The following RPS6KL1 variants were observed in gnomAD, a reference collection of about 807,000 sequenced individuals.
RPS6KL1 encodes ribosomal protein S6 kinase-like 1.
Under a neutral mutation model 57.0 loss-of-function variants are expected in RPS6KL1, and 41 were observed. That is an observed-to-expected ratio of 0.72 (90% CI 0.56 to 0.93). RPS6KL1 has a LOEUF of 0.93. Ranked by LOEUF, RPS6KL1 falls within the 40% of genes least tolerant of loss-of-function variation. The probability of loss-of-function intolerance (pLI) is 0.00; values close to 1 mark genes in which losing one functional copy is unlikely to be tolerated. For synonymous variants in RPS6KL1, 287 were observed against 309.7 expected, an observed-to-expected ratio of 0.93 and a Z score of 0.77; for missense variants, 697 against 727.7, an observed-to-expected ratio of 0.96 and a Z score of 0.49.
intron 3 of RPS6KL1, among the ~76,000 whole-genome samples, chr14:74,921,028 T>C (rs1442525863): frequency 1.3e-5 from 2 of 152,224 alleles, no homozygotes; most frequent in Admixed American, 6.5e-5. Flanking sequence ...CAACAACATA[T>C]ATAGTAATTT....
intron 5 of RPS6KL1, among the ~76,000 whole-genome samples, chr14:74,917,459 T>A (rs4899539): frequency 6.6e-6 from 1 of 151,932 alleles, no homozygotes; most frequent in African/African-American, 2.4e-5. Flanking sequence ...AATCACCCAG[T>A]GAGTATGTTA....
At chr14:74,918,848 T>C (rs1326263507) in intron 4 of RPS6KL1, among the ~76,000 whole-genome samples, 1 of 152,168 alleles carries the variant, frequency 6.6e-6, no homozygotes, top group Admixed American at 6.5e-5. Context: ...CCAAGGCCCA[T>C]GAAGTTCTCT....
At chr14:74,911,731 T>G in intron 6 of RPS6KL1, 63 bp downstream of exon 6, 1 of 1,471,644 alleles carries the variant, frequency 6.8e-7, no homozygotes, top group South Asian at 1.2e-5. Context: ...GGGTAGGAGT[T>G]TCCAAGAGCC....
In RPS6KL1 at chr14:74,922,183, A is replaced by G. The variant is rs1887964705; in HGVS notation, c.-226T>C. The G allele has an allele frequency of 1.0e-6, 1 of 987,178 alleles. No individual in the cohort carries two copies. Among genetic ancestry groups the G allele is most frequent in the Admixed American group, 6.0e-5 (1 of 16,754 alleles). The allele number at this position is 987,178 out of a possible 1,614,324, so 61.2% of individuals were successfully genotyped here. A position where few individuals can be genotyped will look rare whatever the true frequency, so the allele number is the denominator to read the frequency against. On this transcript the variant is annotated 5_prime_UTR_variant, in exon 2 of 12. Coordinates refer to ENST00000557413, the MANE Select transcript of RPS6KL1 (RefSeq NM_031464.5). ...AGAGCTGAGGATATCTGTGATCCAC[A>G]GCCACCTTCACAGGGCCTCCGTAGA...
In RPS6KL1 at chr14:74,910,130, TG is replaced by T; in HGVS notation, c.682del (p.His228ThrfsTer22). On this transcript the variant is annotated frameshift_variant, in exon 8 of 12. Transcript: ENST00000557413. LOFTEE classifies it high-confidence loss of function. ...EHVQGGTLWS[H>X]LLSQAHSRHS... ...TCGGGAGTGCGCCTGGGAGAGCAGG[TG>T]GGACCAGAGAGTGCCTCCTGGGCCA... 1.9e-6 allele frequency: 3 copies of T among 1,553,944 alleles called. No homozygotes were observed. The highest frequency in any genetic ancestry group is 2.6e-6 in the Non-Finnish European group (3 of 1,153,206).
At chr14:74,910,374 T>TGATAG in intron 7 of RPS6KL1, 1 of 329,766 alleles carries the variant, frequency 3.0e-6, no homozygotes, top group Non-Finnish European at 5.3e-6. Context: ...CCTTACAAAC[T>TGATAG]GGCACACCAC....
At chr14:74,915,512 G>A (rs1432007411) in intron 5 of RPS6KL1, among the ~76,000 whole-genome samples, 2 of 152,218 alleles carry the variant, frequency 1.3e-5, no homozygotes, top group Non-Finnish European at 2.9e-5. Context: ...GATGCACAAA[G>A]TATCAAAATC....
rs1884970794 is a variant in RPS6KL1 at position 74,906,866 on chromosome 14, GC to G, written c.*147del. The stretch of plus-strand genomic sequence containing the variant: ...CCTGGGTGGTGGCCATAATTCTGAG[GC>G]CCCAGTGGGAGCCCAGCAGGACAGA... On this transcript the variant is annotated 3_prime_UTR_variant, in exon 12 of 12. Transcript: ENST00000557413. The G allele has an allele frequency of 3.8e-6, 3 of 786,012 alleles. No homozygotes were observed. Among genetic ancestry groups the G allele is most frequent in the Admixed American group, 3.4e-5 (2 of 58,162 alleles). 48.7% of individuals were successfully genotyped at this position (786,012 alleles called of 1,614,324 possible).
rs150933949 is a variant in RPS6KL1, at chr14:74,905,480, C to T, written c.*1534G>A. 2,104 of 152,324 alleles carry T rather than the reference C, an allele frequency of 0.014. 25 individuals are homozygous for T. The highest frequency in any genetic ancestry group is 0.036 in the Admixed American group (553 of 15,296). 9.4% of individuals were successfully genotyped at this position (152,324 alleles called of 1,614,324 possible). A position where few individuals can be genotyped will look rare whatever the true frequency, so the allele number is the denominator to read the frequency against. On this transcript the variant is annotated 3_prime_UTR_variant, in exon 12 of 12. Coordinates refer to ENST00000557413, the MANE Select transcript of RPS6KL1 (RefSeq NM_031464.5). Reference sequence around the variant, plus strand: ...AACCTGGTCCTCCCCGACCCCACCCCTTCCCCTGAGGCCCACATGGCATGC... The same window carrying T: ...AACCTGGTCCTCCCCGACCCCACCCTTTCCCCTGAGGCCCACATGGCATGC...
chr14:74,921,595 C>A lies in RPS6KL1; in HGVS notation c.-20-34G>T, dbSNP rs976235224. ...GGCAAATGCATTAGGGAGGACCTAG[C>A]TGGTAGCAACACCCCTATCCGCACC... On this transcript the variant is annotated intron_variant, in intron 2 of 11. Transcript: ENST00000557413. 15 of 1,576,976 alleles carry A rather than the reference C, an allele frequency of 9.5e-6. No homozygotes were observed. In the African/African-American group the frequency reaches 1.9e-4, roughly 20 times the overall value.
rs112742474 is a variant in RPS6KL1 at position 74,907,344 on chromosome 14, G to A, written c.1539+91C>T. On this transcript the variant is annotated intron_variant, in intron 11 of 11. Transcript: ENST00000557413. ...TGCACCCACATCAGACACTGAGCAC[G>A]AAGCACACGTGGTTCAGACACAGTT... 231 of 1,502,408 alleles carry A rather than the reference G, an allele frequency of 1.5e-4. No homozygotes were observed. The African/African-American group carries it at 2.7e-3, about 17-fold the overall frequency. The allele number at this position is 1,502,408 out of a possible 1,614,324, so 93.1% of individuals were successfully genotyped here. A position where few individuals can be genotyped will look rare whatever the true frequency, so the allele number is the denominator to read the frequency against.
chr14:74,915,833 CCT>C (rs1196181798), intron 5 of RPS6KL1, among the ~76,000 whole-genome samples: 11 of 152,188 alleles, frequency 7.2e-5, no homozygotes, highest in Non-Finnish European at 1.0e-4. Flanking sequence ...AAAAAACACC[CCT>C]GTGTTTAAGC....
At chr14:74,918,835 C>T (rs1887306343) in intron 4 of RPS6KL1, among the ~76,000 whole-genome samples, 1 of 152,328 alleles carries the variant, frequency 6.6e-6, no homozygotes, top group East Asian at 1.9e-4. Context: ...CTGCTGAGCC[C>T]GTCCAAGGCC....
chr14:74,909,556 GAGC>G lies in RPS6KL1; in HGVS notation c.1254_1256del (p.Leu420del), dbSNP rs779911662. ...GAGGGCACCTACCTGCCTGGTCCAG[GAGC>G]AGGTTCCCGGGGTGGAGGTCCCGGC... On this transcript the variant is annotated inframe_deletion, in exon 8 of 12. Transcript: ENST00000557413. The G allele has an allele frequency of 1.1e-5, 18 of 1,600,456 alleles. No individual in the cohort carries two copies. The highest frequency in any genetic ancestry group is 1.4e-5 in the Non-Finnish European group (16 of 1,172,888).
chr14:74,918,462 C>T (rs1390132749), intron 5 of RPS6KL1, 51 bp downstream of exon 5: 1 of 1,344,452 alleles, frequency 7.4e-7, no homozygotes, highest in Non-Finnish European at 1.0e-6. Context: ...ACCGCCACCC[C>T]AAATTGCATA....
Position 74,909,597 on chromosome 14 carries a change from G to C in RPS6KL1, c.1216C>G (p.Gln406Glu), listed in dbSNP as rs150539901. Residue 406 changes from glutamine (Q) to glutamate (E), a missense_variant, in exon 8 of 12, where the codon CAG becomes GAG. Coordinates refer to ENST00000557413, the MANE Select transcript of RPS6KL1 (RefSeq NM_031464.5). ...MLVALEALHE[Q>E]GVLCRDLHPG... ...TGGAGGTCCCGGCACAGCACCCCCT[G>C]CTCGTGCAGCGCCTCCAGCGCTACC... The C allele has an allele frequency of 9.9e-5, 159 of 1,612,446 alleles. No individual in the cohort carries two copies. In the African/African-American group the frequency reaches 2.0e-3, roughly 20 times the overall value.
Position 74,907,131 on chromosome 14 carries a change from A to G in RPS6KL1, c.1540-7T>C. On this transcript the variant is annotated splice_region_variant and splice_polypyrimidine_tract_variant and intron_variant, in intron 11 of 11. Coordinates refer to ENST00000557413, the MANE Select transcript of RPS6KL1 (RefSeq NM_031464.5). ...TAGGCTCGAACTGCAGCAGCTGCAG[A>G]GAGAGGCCCAGTCAGCTGGGCCACT... 1 of 1,603,004 alleles carries G rather than the reference A, an allele frequency of 6.2e-7. No homozygotes were observed. The highest frequency in any genetic ancestry group is 1.3e-5 in the African/African-American group (1 of 74,786).
In RPS6KL1 at chr14:74,909,685, G is replaced by A; in HGVS notation, c.1128C>T (p.Gly376=). Residue 376 remains glycine (G), a synonymous_variant, in exon 8 of 12, where the codon GGC becomes GGT. Transcript: ENST00000557413. ...SCLSADGAGR[G]CGRATWSVRE... ...TCACACTCCAGGTGGCCCTGCCACA[G>A]CCCCGGCCGGCCCCATCTGCTGACA... The A allele has an allele frequency of 6.2e-7, 1 of 1,609,242 alleles. No individual in the cohort carries two copies.
chr14:74,913,036 C>G (rs1447178488), intron 5 of RPS6KL1, among the ~76,000 whole-genome samples: 1 of 152,228 alleles, frequency 6.6e-6, no homozygotes, highest in Non-Finnish European at 1.5e-5. Flanking sequence ...TTGGCCTGCC[C>G]TGCGGACATT....
Sources: allele counts gnomAD v4.1 joint callset (sites outside exome capture counted in the v4.1 genomes callset), GRCh38; gene constraint gnomAD v4.1.1; transcripts MANE v1.5; gene names NCBI Gene and HGNC (gene_info 2026-07-23, HGNC 2026-07-21).